The following EIF2B3 variants were observed in gnomAD, a reference collection of about 807,000 sequenced individuals.
EIF2B3 encodes the protein eukaryotic translation initiation factor 2B subunit gamma, also known as translation initiation factor eIF2B subunit gamma.
In EIF2B3, 20 loss-of-function variants were observed where a neutral mutation model predicts 54.1. The observed-to-expected ratio is 0.37, with a 90% confidence interval of 0.26 to 0.54. The LOEUF is 0.54. Among genes scored for constraint, EIF2B3 ranks in the 20% least tolerant of loss-of-function variants. EIF2B3 has a pLI of 0.86. For missense variants in EIF2B3, 448 were observed against 547.8 expected (o/e 0.82, Z 1.82); for synonymous variants, 153 against 188.1 (o/e 0.81, Z 1.52).
intron 5 of EIF2B3, among the ~76,000 whole-genome samples, chr1:44,904,277 AGGCTTC>A (rs1643371240): frequency 6.6e-6 from 1 of 152,220 alleles, no homozygotes; most frequent in Non-Finnish European, 1.5e-5. Context: ...ATTTTATCAC[AGGCTTC>A]TCTTTGCATG....
intron 5 of EIF2B3, among the ~76,000 whole-genome samples, chr1:44,897,862 G>A (rs34506400): frequency 0.18 from 27,057 of 150,704 alleles, 2,675 homozygotes; most frequent in Admixed American, 0.28. Context: ...TCAGCCTACC[G>A]AGTAGCTGAA....
chr1:44,946,663 A>G (rs1041763125), intron 3 of EIF2B3, among the ~76,000 whole-genome samples: 2 of 135,164 alleles, frequency 1.5e-5, no homozygotes, highest in African/African-American at 5.5e-5. Flanking sequence ...GGATCTCACT[A>G]TGTTGCCAGG....
chr1:44,966,308 G>A (rs1402192795), intron 3 of EIF2B3, among the ~76,000 whole-genome samples: 1 of 151,918 alleles, frequency 6.6e-6, no homozygotes, highest in Non-Finnish European at 1.5e-5. Flanking sequence ...GCGTGGTGGC[G>A]GGTGCCTGTA....
At chr1:44,906,571 T>A (rs1387871942) in intron 5 of EIF2B3, among the ~76,000 whole-genome samples, 1 of 152,162 alleles carries the variant, frequency 6.6e-6, no homozygotes, top group African/African-American at 2.4e-5. Flanking sequence ...CGGCTCATTT[T>A]TTGTATTTAG....
Position 44,850,750 on chromosome 1 carries a change from G to C in EIF2B3, c.*201C>G, listed in dbSNP as rs528195798. On this transcript the variant is annotated 3_prime_UTR_variant, in exon 12 of 12. Coordinates refer to ENST00000360403, the MANE Select transcript of EIF2B3 (RefSeq NM_020365.5). ...CCTGTCCCACACACTTGCTCCAGAT[G>C]ATCTTTACCACATGACACATGAACA... is the stretch of plus-strand genomic sequence containing the variant. The C allele has an allele frequency of 3.2e-6, 2 of 615,638 alleles. No homozygotes were observed. The highest frequency in any genetic ancestry group is 3.7e-5 in the African/African-American group (2 of 54,046). 38.1% of individuals were successfully genotyped at this position (615,638 alleles called of 1,614,324 possible).
chr1:44,919,644 G>T (rs562763395), intron 5 of EIF2B3, among the ~76,000 whole-genome samples: 1 of 151,592 alleles, frequency 6.6e-6, no homozygotes, highest in South Asian at 2.1e-4. Context: ...TTTATACTGG[G>T]TGTACATGTG....
chr1:44,964,591 G>C (rs1266679140), intron 3 of EIF2B3, among the ~76,000 whole-genome samples: 1 of 152,170 alleles, frequency 6.6e-6, no homozygotes, highest in Non-Finnish European at 1.5e-5. Flanking sequence ...GTTCTTTGTT[G>C]TAACATGTTA....
chr1:44,985,156 C>G (rs1644559251), intron 1 of EIF2B3, among the ~76,000 whole-genome samples: 1 of 152,194 alleles, frequency 6.6e-6, no homozygotes. Context: ...CTTTACTAGA[C>G]AGAGACTAGA....
At chr1:44,970,377 A>C (rs186241929) in intron 3 of EIF2B3, among the ~76,000 whole-genome samples, 225 of 152,344 alleles carry the variant, frequency 1.5e-3, no homozygotes, top group African/African-American at 5.1e-3. Context: ...AAACACGAAG[A>C]CCTCACAATA....
chr1:44,939,734 G>A (rs1456414255), intron 4 of EIF2B3, among the ~76,000 whole-genome samples: 7 of 151,882 alleles, frequency 4.6e-5, no homozygotes, highest in Non-Finnish European at 1.5e-5. Context: ...TATATAAAGT[G>A]TATTAAAAAG....
chr1:44,867,995 G>A (rs557181624), intron 10 of EIF2B3, among the ~76,000 whole-genome samples: 31 of 152,132 alleles, frequency 2.0e-4, no homozygotes, highest in Admixed American at 1.7e-3. Context: ...TCATGATTGC[G>A]CCACTGCACT....
At chr1:44,980,123 A>G (rs946813825) in intron 2 of EIF2B3, among the ~76,000 whole-genome samples, 4 of 152,118 alleles carry the variant, frequency 2.6e-5, no homozygotes, top group African/African-American at 9.7e-5. Context: ...CTCAAACTCA[A>G]TGTGACCAAA....
intron 3 of EIF2B3, among the ~76,000 whole-genome samples, chr1:44,959,883 T>C (rs1039284374): frequency 1.3e-5 from 2 of 152,232 alleles, no homozygotes; most frequent in African/African-American, 4.8e-5. Context: ...ATGCCTTAAG[T>C]ACCTGTGTTA....
chr1:44,978,621 CTTTTTTTTTTTTTTTTTT>C (rs57964686), intron 2 of EIF2B3, among the ~76,000 whole-genome samples, 161 bp from the exon 3 acceptor site: 12 of 76,632 alleles, frequency 1.6e-4, no homozygotes, highest in African/African-American at 2.0e-4. Flanking sequence ...CCAATAAATT[CTTTTTTTTTTTTTTTTTT>C]TTTTTTTTTT....
At chr1:44,879,498 T>G (rs1427391025) in intron 8 of EIF2B3, among the ~76,000 whole-genome samples, 1 of 152,224 alleles carries the variant, frequency 6.6e-6, no homozygotes, top group Non-Finnish European at 1.5e-5. Flanking sequence ...ACCTGCTTAT[T>G]ATGAAGTAAG....
chr1:44,972,499 A>C (rs12142881), intron 3 of EIF2B3: 43,449 of 152,032 alleles, frequency 0.29, 6,730 homozygotes, highest in African/African-American at 0.38. Flanking sequence ...CTACTCAGGA[A>C]GGTGAGGCAG....
intron 6 of EIF2B3, among the ~76,000 whole-genome samples, chr1:44,882,975 G>A (rs1160157142): frequency 3.5e-5 from 5 of 143,332 alleles, no homozygotes; most frequent in Non-Finnish European, 7.5e-5. Context: ...TGTGGCCCAG[G>A]CTGGAGTGTA....
rs577019400 is a variant in EIF2B3, at chr1:44,930,145, C to T, written c.455-3406G>A. 2.6e-5 allele frequency among the ~76,000 whole-genome samples: 4 copies of T among 152,206 alleles called. No individual in the cohort carries two copies. The South Asian group carries it at 8.3e-4, about 32-fold the overall frequency. On this transcript the variant is annotated intron_variant, in intron 4 of 11. Transcript: ENST00000360403. ...TTCTGTCTCATCTACAGGCATTTTG[C>T]TTATCCATTCATTCATTGATTCATT...
Position 44,910,190 on chromosome 1 carries a change from C to T in EIF2B3, c.567-12746G>A, listed in dbSNP as rs371087900. On this transcript the variant is annotated intron_variant, in intron 5 of 11. Coordinates refer to ENST00000360403, the MANE Select transcript of EIF2B3 (RefSeq NM_020365.5). ...CTTATGAACTATTAAAAACATATGT[C>T]TGTCAGAAATAAAGCAGGAATTTTA... is the stretch of plus-strand genomic sequence containing the variant. Among the ~76,000 whole-genome samples, 16 of 152,250 alleles carry T rather than the reference C, an allele frequency of 1.1e-4. No homozygotes were observed. The East Asian group carries it at 2.9e-3, about 27-fold the overall frequency.
Sources: gnomAD v4.1 joint callset for allele counts (sites outside exome capture counted in the v4.1 genomes callset) on GRCh38, gnomAD v4.1.1 for gene constraint, MANE v1.5 for transcripts, NCBI Gene and HGNC (gene_info 2026-07-23, HGNC 2026-07-21) for gene names.